The following DPYSL3 variants were observed in gnomAD, a reference collection of about 807,000 sequenced individuals.
The protein encoded by DPYSL3 is dihydropyrimidinase like 3.
Under a neutral mutation model 66.1 loss-of-function variants are expected in DPYSL3, and 16 were observed. That is an observed-to-expected ratio of 0.24 (90% confidence interval 0.16 to 0.37). DPYSL3 has a LOEUF of 0.37. DPYSL3 is among the 10% of genes least tolerant of loss of function. The pLI, the probability that DPYSL3 is intolerant of heterozygous loss-of-function variation, is 1.00. For missense variants in DPYSL3, 738 were observed against 916.2 expected (o/e 0.81, Z 2.51); for synonymous variants, 338 against 345.1 (o/e 0.98, Z 0.23).
intron 6 of DPYSL3, among the ~76,000 whole-genome samples, chr5:147,411,053 T>C (rs1025079801): frequency 6.6e-6 from 1 of 152,188 alleles, no homozygotes; most frequent in Non-Finnish European, 1.5e-5. Flanking sequence ...GCCAGAGAGT[T>C]TGGTTTCCAG....
rs1581170130 is a variant in DPYSL3, at chr5:147,397,591, G to A, written c.1803+75C>T. On this transcript the variant is annotated intron_variant, in intron 12 of 13. Coordinates refer to ENST00000343218, the MANE Select transcript of DPYSL3 (RefSeq NM_001197294.2). The stretch of plus-strand genomic sequence containing the variant: ...GAGTCTAGAGATCACAGTGCCCTGT[G>A]TTCATGGTTACTATCTCTGAGCGTG... 65 of 1,491,830 alleles carry A rather than the reference G, an allele frequency of 4.4e-5. No homozygotes were observed. The East Asian group carries it at 1.4e-3, about 33-fold the overall frequency. 92.4% of individuals were successfully genotyped at this position (1,491,830 alleles called of 1,614,324 possible). A position where few individuals can be genotyped will look rare whatever the true frequency, so the allele number is the denominator to read the frequency against.
At chr5:147,417,349 A>G (rs1206164422) in intron 3 of DPYSL3, among the ~76,000 whole-genome samples, 1 of 152,224 alleles carries the variant, frequency 6.6e-6, no homozygotes, top group Non-Finnish European at 1.5e-5. Flanking sequence ...GGGCAACACC[A>G]GGACTTTCAT....
chr5:147,439,054 C>T (rs956995668), intron 1 of DPYSL3, among the ~76,000 whole-genome samples: 1 of 152,172 alleles, frequency 6.6e-6, no homozygotes, highest in Admixed American at 6.5e-5. Flanking sequence ...TCTCGCCAAA[C>T]CACTTAACCC....
intron 1 of DPYSL3, among the ~76,000 whole-genome samples, chr5:147,429,479 CGT>C (rs201892384): frequency 7.9e-5 from 12 of 151,736 alleles, no homozygotes; most frequent in African/African-American, 2.9e-4. Context: ...TGCCAGTGTG[CGT>C]GTGTGTGTGC....
At chr5:147,400,474 G>C (rs3213856) in intron 10 of DPYSL3, among the ~76,000 whole-genome samples, 66,523 of 152,098 alleles carry the variant, frequency 0.44, 15,011 homozygotes, top group East Asian at 0.55. Context: ...TAACAGTCTA[G>C]ATAAGGAAGC....
At chr5:147,488,133 A>G (rs992994803) in intron 1 of DPYSL3, among the ~76,000 whole-genome samples, 11 of 152,202 alleles carry the variant, frequency 7.2e-5, no homozygotes, top group African/African-American at 2.4e-4. Context: ...ATCCAAAGAG[A>G]AAACAGCCCC....
chr5:147,502,399 A>G (rs1753625062), intron 1 of DPYSL3, among the ~76,000 whole-genome samples: 2 of 151,868 alleles, frequency 1.3e-5, no homozygotes, highest in South Asian at 4.2e-4. Flanking sequence ...ACACACACAC[A>G]CATATACACA....
At chr5:147,438,963 T>A (rs1752469608) in intron 1 of DPYSL3, among the ~76,000 whole-genome samples, 2 of 152,170 alleles carry the variant, frequency 1.3e-5, no homozygotes, top group African/African-American at 4.8e-5. Flanking sequence ...GGTGATACAG[T>A]GGGGTATGAC....
chr5:147,413,756 T>G, intron 4 of DPYSL3, 99 bp from the exon 5 acceptor site: 1 of 946,130 alleles, frequency 1.1e-6, no homozygotes, highest in Admixed American at 2.0e-5. Flanking sequence ...AGCACCCAGC[T>G]GCATTACCCG....
chr5:147,405,887 A>T lies in DPYSL3; in HGVS notation c.1033-157T>A, dbSNP rs562341412. 1.3e-5 allele frequency: 11 copies of T among 879,156 alleles called. No individual in the cohort carries two copies. In the African/African-American group the frequency reaches 1.5e-4, roughly 12 times the overall value. 54.5% of individuals were successfully genotyped at this position (879,156 alleles called of 1,614,324 possible). ...TAGCCTATATCCACATCTCAGATCTACCACTTCCTAACTGTGTCACTTTAC... is the reference window on the plus strand; with the variant it reads ...TAGCCTATATCCACATCTCAGATCTTCCACTTCCTAACTGTGTCACTTTAC... On this transcript the variant is annotated intron_variant, in intron 7 of 13. Coordinates refer to ENST00000343218, the MANE Select transcript of DPYSL3 (RefSeq NM_001197294.2).
chr5:147,441,781 C>A (rs1227771684), intron 1 of DPYSL3, among the ~76,000 whole-genome samples: 1 of 152,152 alleles, frequency 6.6e-6, no homozygotes, highest in African/African-American at 2.4e-5. Flanking sequence ...TCTCTTCCTG[C>A]CCCTAGCCAA....
At chr5:147,481,662 C>T (rs138016876) in intron 1 of DPYSL3, among the ~76,000 whole-genome samples, 24 of 152,276 alleles carry the variant, frequency 1.6e-4, no homozygotes, top group Non-Finnish European at 2.9e-4. Flanking sequence ...GTCATGAGGG[C>T]TCCACCCTTA....
chr5:147,476,728 G>C (rs1006914455), intron 1 of DPYSL3, among the ~76,000 whole-genome samples: 8 of 152,136 alleles, frequency 5.3e-5, no homozygotes, highest in African/African-American at 1.9e-4. Flanking sequence ...ATTGTGGGAG[G>C]AGTCTCCTCA....
At chr5:147,402,645 C>CT (rs1758226842) in intron 8 of DPYSL3, among the ~76,000 whole-genome samples, 1 of 135,778 alleles carries the variant, frequency 7.4e-6, no homozygotes, top group African/African-American at 3.8e-5. Context: ...CCGCGCCCGG[C>CT]CTATGACTTT....
At chr5:147,499,877 A>C (rs2126457764) in intron 1 of DPYSL3, among the ~76,000 whole-genome samples, 1 of 152,336 alleles carries the variant, frequency 6.6e-6, no homozygotes, top group East Asian at 1.9e-4. Flanking sequence ...ATAGCACATA[A>C]GTAGACCTAC....
In DPYSL3 at chr5:147,509,656, C is replaced by T; in HGVS notation, c.203G>A (p.Gly68Asp). Residue 68 changes from glycine (G) to aspartate (D), a missense_variant, in exon 1 of 14, where the codon GGC becomes GAC. Coordinates refer to ENST00000343218, the MANE Select transcript of DPYSL3 (RefSeq NM_001197294.2). This position sits in a 1 kb window ranked among gnomAD's most constrained non-coding sequence, Gnocchi z 5.3. The stretch of plus-strand genomic sequence containing the variant: ...CCCCGATCCTCGGTCGCTGCCCTGG[C>T]CGCTCCGAGGAGTCTTCGCGCCCCG... ...GQRGAKTPRS[G>D]QGSDRGSGSR... The T allele has an allele frequency of 6.5e-7, 1 of 1,535,726 alleles. No individual in the cohort carries two copies. Among genetic ancestry groups the T allele is most frequent in the Non-Finnish European group, 8.7e-7 (1 of 1,146,686 alleles).
intron 1 of DPYSL3, among the ~76,000 whole-genome samples, chr5:147,502,268 T>A (rs927974985): frequency 2.0e-5 from 3 of 152,070 alleles, no homozygotes; most frequent in Admixed American, 1.3e-4. Context: ...TTTCAACCTA[T>A]GAAATTGGGG....
rs76518948 is a variant in DPYSL3, at chr5:147,406,704, A to T, written c.1033-974T>A. On this transcript the variant is annotated intron_variant, in intron 7 of 13. Transcript: ENST00000343218. ...CTCTCAACTTGTGTAAGTTAGTCCA[A>T]TTCAGCACAGAGCAGAGACTTTGAC... Among the ~76,000 whole-genome samples the T allele has an allele frequency of 3.8e-4, 58 of 152,322 alleles. 1 individual carries two copies. In the East Asian group the frequency reaches 8.9e-3, roughly 23 times the overall value.
At chr5:147,398,250 A>G (rs1350483219) in intron 11 of DPYSL3, among the ~76,000 whole-genome samples, 1 of 152,198 alleles carries the variant, frequency 6.6e-6, no homozygotes, top group Admixed American at 6.5e-5. Context: ...AGCAAAGGCC[A>G]TTGCCACCAA....
Sources: allele counts gnomAD v4.1 joint callset (sites outside exome capture counted in the v4.1 genomes callset), GRCh38; gene constraint gnomAD v4.1.1; non-coding constraint Gnocchi (gnomAD v3.1); transcripts MANE v1.5; gene names NCBI Gene and HGNC (gene_info 2026-07-23, HGNC 2026-07-21).